LTBP1: variants seen among roughly 807,000 people sequenced by gnomAD.
LTBP1 encodes latent transforming growth factor beta binding protein 1.
LTBP1 carries 129 observed loss-of-function variants against 207.6 expected under a neutral mutation model. The ratio of observed to expected loss-of-function variants is 0.62; its 90% CI spans 0.54 to 0.72. The LOEUF (loss-of-function observed/expected upper bound fraction) is 0.72. Among genes scored for constraint, LTBP1 ranks in the 30% least tolerant of loss-of-function variants. The pLI, the probability that LTBP1 is intolerant of heterozygous loss-of-function variation, is 0.00. For missense variants in LTBP1, 2,281 were observed against 2,217.2 expected, an observed-to-expected ratio of 1.03 and a Z score of -0.58; for synonymous variants, 963 against 833.7, an observed-to-expected ratio of 1.16 and a Z score of -2.67.
At chr2:33,135,736 A>G (rs2150607142) in intron 5 of LTBP1, among the ~76,000 whole-genome samples, 1 of 152,356 alleles carries the variant, frequency 6.6e-6, no homozygotes, top group South Asian at 2.1e-4. Flanking sequence ...GGTCCACGGA[A>G]TGCTGTCATG....
intron 19 of LTBP1, among the ~76,000 whole-genome samples, chr2:33,288,644 A>G (rs543336148): frequency 2.6e-5 from 4 of 152,268 alleles, no homozygotes; most frequent in Non-Finnish European, 4.4e-5. Flanking sequence ...TCACAAGGTC[A>G]GGAGATCGAG....
chr2:33,147,009 G>T (rs2083108346), intron 5 of LTBP1, among the ~76,000 whole-genome samples: 1 of 152,236 alleles, frequency 6.6e-6, no homozygotes, highest in South Asian at 2.1e-4. Flanking sequence ...GGAAGGAGAA[G>T]TGGATTCACC....
At chr2:33,227,837 G>C (rs572538865) in intron 9 of LTBP1, among the ~76,000 whole-genome samples, 1 of 113,126 alleles carries the variant, frequency 8.8e-6, no homozygotes, top group East Asian at 2.9e-4. Flanking sequence ...ACAGAGTCTC[G>C]CTCTGTCGCC....
chr2:33,308,286 T>A (rs917293876), intron 22 of LTBP1, among the ~76,000 whole-genome samples: 4 of 152,226 alleles, frequency 2.6e-5, no homozygotes, highest in Non-Finnish European at 5.9e-5. Flanking sequence ...ATTCTCACAG[T>A]CAAAACTCGT....
Position 33,355,052 on chromosome 2 carries a change from C to T in LTBP1, c.4001-5545C>T, listed in dbSNP as rs756421830. Among the ~76,000 whole-genome samples, 6 of 152,110 alleles carry T rather than the reference C, an allele frequency of 3.9e-5. No individual in the cohort carries two copies. The East Asian group carries it at 5.8e-4, about 15-fold the overall frequency. On this transcript the variant is annotated intron_variant, in intron 26 of 33. Transcript: ENST00000404816. Reference sequence around the variant, plus strand: ...AGAACTTGCTATAAACTAAACCTGACGAGGAATGGTTTGTACATTTCCTTT... The same window carrying T: ...AGAACTTGCTATAAACTAAACCTGATGAGGAATGGTTTGTACATTTCCTTT...
At chr2:33,274,570 A>G (rs1380099271) in intron 16 of LTBP1, among the ~76,000 whole-genome samples, 1 of 152,222 alleles carries the variant, frequency 6.6e-6, no homozygotes, top group Non-Finnish European at 1.5e-5. Context: ...TTAGAAAGGC[A>G]ACAGAGATGA....
intron 19 of LTBP1, among the ~76,000 whole-genome samples, chr2:33,282,095 T>C (rs1198495320): frequency 1.3e-5 from 2 of 149,366 alleles, no homozygotes; most frequent in Non-Finnish European, 3.0e-5. Context: ...ATATAAACTT[T>C]AGTGATAGAA....
At chr2:33,139,049 G>T (rs572848264) in intron 5 of LTBP1, among the ~76,000 whole-genome samples, 1 of 150,874 alleles carries the variant, frequency 6.6e-6, no homozygotes, top group South Asian at 2.1e-4. Context: ...TAGTAGAGAC[G>T]GGGTTTCACC....
intron 2 of LTBP1, among the ~76,000 whole-genome samples, chr2:33,016,518 C>A (rs1688400420): frequency 6.6e-6 from 1 of 152,060 alleles, no homozygotes; most frequent in South Asian, 2.1e-4. Context: ...CTGATTTAAT[C>A]TGTTTGGAGT....
At chr2:32,991,160 A>G (rs1684348419) in intron 2 of LTBP1, among the ~76,000 whole-genome samples, 1 of 152,246 alleles carries the variant, frequency 6.6e-6, no homozygotes, top group Non-Finnish European at 1.5e-5. Context: ...GCAAAAAGTT[A>G]CGAAACAGAA....
intron 33 of LTBP1, among the ~76,000 whole-genome samples, chr2:33,397,506 C>CTTT (rs35219261): frequency 0.67 from 74,951 of 111,798 alleles, 26,180 homozygotes; most frequent in Non-Finnish European, 0.72. Flanking sequence ...TACCACAATT[C>CTTT]TTTTTTTTTT....
intron 3 of LTBP1, among the ~76,000 whole-genome samples, chr2:33,105,955 T>C (rs1362242263): frequency 6.6e-6 from 1 of 152,180 alleles, no homozygotes; most frequent in East Asian, 1.9e-4. Flanking sequence ...TGAAAGTCAG[T>C]CCTCTCAAAT....
chr2:33,125,546 A>T (rs189749185), intron 4 of LTBP1, among the ~76,000 whole-genome samples: 44 of 152,264 alleles, frequency 2.9e-4, no homozygotes, highest in Admixed American at 6.5e-4. Context: ...AAATTACTCC[A>T]AACTGGCCGG....
intron 9 of LTBP1, among the ~76,000 whole-genome samples, chr2:33,229,698 C>T (rs940410193): frequency 6.6e-6 from 1 of 151,932 alleles, no homozygotes. Context: ...TTGCATTTTC[C>T]TCTGTCGGTA....
intron 2 of LTBP1, among the ~76,000 whole-genome samples, chr2:32,955,708 C>T (rs1677972267): frequency 6.6e-6 from 1 of 152,044 alleles, no homozygotes; most frequent in Non-Finnish European, 1.5e-5. Flanking sequence ...TAAAAGCTCC[C>T]TGATGTGGTA....
At chr2:33,254,040 C>G (rs2092758881) in intron 11 of LTBP1, among the ~76,000 whole-genome samples, 1 of 151,834 alleles carries the variant, frequency 6.6e-6, no homozygotes, top group Non-Finnish European at 1.5e-5. Flanking sequence ...CAGGCACCCA[C>G]CACCACGCCT....
At chr2:33,257,245 T>C in intron 11 of LTBP1, 39 bp from the exon 12 acceptor site, 1 of 1,514,624 alleles carries the variant, frequency 6.6e-7, no homozygotes, top group South Asian at 1.1e-5. Context: ...TTTGCACTGT[T>C]AGATTTTTAA....
chr2:33,398,340 C>T (rs1241337974), intron 33 of LTBP1, 24 bp from the exon 34 acceptor site: 26 of 1,605,178 alleles, frequency 1.6e-5, no homozygotes, highest in Non-Finnish European at 2.2e-5. Context: ...AGATTGTTTA[C>T]CTGCATGGCT....
chr2:33,025,973 G>A (rs1457418655), intron 3 of LTBP1, among the ~76,000 whole-genome samples: 1 of 152,002 alleles, frequency 6.6e-6, no homozygotes, highest in Non-Finnish European at 1.5e-5. Flanking sequence ...AGAACTTCTG[G>A]GATATTCCTT....
Sources: allele counts gnomAD v4.1 joint callset (sites outside exome capture counted in the v4.1 genomes callset), GRCh38; gene constraint gnomAD v4.1.1; transcripts MANE v1.5; gene names NCBI Gene and HGNC (gene_info 2026-07-23, HGNC 2026-07-21).